Variants in DLGAP1 observed in about 807,000 individuals in gnomAD.
The protein encoded by DLGAP1 is disks large-associated protein 1.
Under a neutral mutation model 90.8 loss-of-function variants are expected in DLGAP1, and 11 were observed. That is an observed-to-expected ratio of 0.12 (90% CI 0.08 to 0.20). The LOEUF (loss-of-function observed/expected upper bound fraction) is 0.20, where lower values mean the gene tolerates loss of function less well. Among genes scored for constraint, DLGAP1 ranks in the 10% least tolerant of loss-of-function variants. DLGAP1 has a pLI of 1.00. For missense variants in DLGAP1, 1,050 were observed against 1,333.8 expected, an observed-to-expected ratio of 0.79 and a Z score of 3.31; for synonymous variants, 558 against 540.7, an observed-to-expected ratio of 1.03 and a Z score of -0.44.
At chr18:3,747,864 C>T (rs192485076) in intron 5 of DLGAP1, among the ~76,000 whole-genome samples, 158 of 152,300 alleles carry the variant, frequency 1.0e-3, no homozygotes, top group African/African-American at 3.5e-3. Context: ...ATCTTGCCCA[C>T]TTATAGAACA....
intron 1 of DLGAP1, among the ~76,000 whole-genome samples, chr18:4,299,845 C>A (rs1218952078): frequency 6.6e-6 from 1 of 152,088 alleles, no homozygotes; most frequent in African/African-American, 2.4e-5. Flanking sequence ...ATGTTTTTAA[C>A]TATTTATCAC....
chr18:4,360,702 G>A (rs1197231857), intron 1 of DLGAP1, among the ~76,000 whole-genome samples: 1 of 152,184 alleles, frequency 6.6e-6, no homozygotes, highest in Non-Finnish European at 1.5e-5. Context: ...GTTTAGGCCA[G>A]GTGCAGTGGC....
intron 1 of DLGAP1, among the ~76,000 whole-genome samples, chr18:4,352,399 T>C (rs1474786874): frequency 6.6e-6 from 1 of 152,134 alleles, no homozygotes; most frequent in African/African-American, 2.4e-5. Flanking sequence ...GTAAGGCAAC[T>C]CTCTGCCTTC....
intron 3 of DLGAP1, among the ~76,000 whole-genome samples, chr18:3,916,689 A>T (rs2072151883): frequency 6.6e-6 from 1 of 152,154 alleles, no homozygotes; most frequent in African/African-American, 2.4e-5. Flanking sequence ...CACCAATGAG[A>T]CACAGACCTC....
chr18:4,231,989 G>GTT (rs1409088177), intron 1 of DLGAP1, among the ~76,000 whole-genome samples: 1 of 152,094 alleles, frequency 6.6e-6, no homozygotes, highest in African/African-American at 2.4e-5. Context: ...TAGTTGTTCA[G>GTT]TTCATGTAGA....
chr18:3,739,588 G>T (rs2062812683), intron 6 of DLGAP1, among the ~76,000 whole-genome samples: 1 of 135,410 alleles, frequency 7.4e-6, no homozygotes, highest in Non-Finnish European at 1.5e-5. Context: ...AGATCACATG[G>T]ACACAGGAAG....
intron 1 of DLGAP1, among the ~76,000 whole-genome samples, chr18:4,411,557 CA>C (rs2082777733): frequency 6.6e-6 from 1 of 152,120 alleles, no homozygotes; most frequent in East Asian, 1.9e-4. Context: ...AAATCACCCC[CA>C]AAACTTTGTC....
intron 7 of DLGAP1, among the ~76,000 whole-genome samples, chr18:3,641,411 C>CCTGTAAT (rs61262791): frequency 0.038 from 5,823 of 151,494 alleles, 265 homozygotes; most frequent in East Asian, 0.19. Context: ...GTGGCGGGCA[C>CCTGTAAT]CTGTAATCCC....
chr18:3,656,017 T>C (rs1019561942), intron 7 of DLGAP1: 11 of 1,449,116 alleles, frequency 7.6e-6, no homozygotes, highest in Middle Eastern at 1.8e-4. Flanking sequence ...AGAAGCTTTT[T>C]AGCTACAAGC....
At chr18:3,616,174 G>A (rs1358318573) in intron 7 of DLGAP1, among the ~76,000 whole-genome samples, 5 of 152,132 alleles carry the variant, frequency 3.3e-5, no homozygotes, top group Admixed American at 6.6e-5. Context: ...ACCAGCCCTC[G>A]GGAGACTGCA....
chr18:4,246,847 T>TAC (rs1245210235), intron 1 of DLGAP1, among the ~76,000 whole-genome samples: 2 of 146,722 alleles, frequency 1.4e-5, no homozygotes, highest in African/African-American at 4.9e-5. Flanking sequence ...TAGCTCATTT[T>TAC]ACCTTTATTT....
At position 4,405,472 on chromosome 18, in the gene DLGAP1, T is replaced by G. The variant is rs6506201; in HGVS notation, c.-267+49534A>C. ...AACTCCAGCACAGTGTCAGGAATTATTCAAAGAACAACACAATGAGCATTT... is the reference window on the plus strand; with the variant it reads ...AACTCCAGCACAGTGTCAGGAATTAGTCAAAGAACAACACAATGAGCATTT... On this transcript the variant is annotated intron_variant, in intron 1 of 12. Coordinates refer to ENST00000315677, the MANE Select transcript of DLGAP1 (RefSeq NM_004746.4). 2.8e-3 allele frequency among the ~76,000 whole-genome samples: 428 copies of G among 152,114 alleles called. 1 individual carries two copies. Among genetic ancestry groups the G allele is most frequent in the African/African-American group, 9.5e-3 (396 of 41,524 alleles).
Position 3,872,308 on chromosome 18 carries a change from A to T in DLGAP1, c.957+6804T>A, listed in dbSNP as rs140489989. 3.4e-3 allele frequency among the ~76,000 whole-genome samples: 514 copies of T among 152,052 alleles called. 4 individuals are homozygous for T. Among genetic ancestry groups the T allele is most frequent in the African/African-American group, 0.012 (478 of 41,504 alleles). ...GTAAATGTTATGCCTTTCTTTACAC[A>T]ATATTTTCTCCTTTATCTCTGTGTA... On this transcript the variant is annotated intron_variant, in intron 4 of 12. Coordinates refer to ENST00000315677, the MANE Select transcript of DLGAP1 (RefSeq NM_004746.4).
chr18:3,589,406 C>T (rs2056103816), intron 7 of DLGAP1, among the ~76,000 whole-genome samples: 1 of 152,122 alleles, frequency 6.6e-6, no homozygotes, highest in African/African-American at 2.4e-5. Context: ...TTCATAAACC[C>T]TTACCAGCTA....
chr18:4,108,300 T>C (rs1460306150), intron 2 of DLGAP1, among the ~76,000 whole-genome samples: 1 of 152,188 alleles, frequency 6.6e-6, no homozygotes, highest in Non-Finnish European at 1.5e-5. Context: ...TTATCACCAT[T>C]AGATCACACC....
chr18:4,146,795 G>A (rs1163852770), intron 2 of DLGAP1, among the ~76,000 whole-genome samples: 2 of 151,894 alleles, frequency 1.3e-5, no homozygotes, highest in South Asian at 4.2e-4. Context: ...ATGATTACAG[G>A]CTTTTTCATG....
At position 3,775,365 on chromosome 18, in the gene DLGAP1, ACTTCC is replaced by A. The variant is rs2064891337; in HGVS notation, c.1173-32858_1173-32854del. 6.6e-6 allele frequency among the ~76,000 whole-genome samples: 1 copy of A among 152,128 alleles called. No individual in the cohort carries two copies. The highest frequency in any genetic ancestry group is 6.5e-5 in the Admixed American group (1 of 15,276). The stretch of plus-strand genomic sequence containing the variant: ...GGAGGTGACTGAATCATGGGGGCAG[ACTTCC>A]CTCTTGCTGTTCTCTTGATAGAGTT... On this transcript the variant is annotated intron_variant, in intron 5 of 12. Coordinates refer to ENST00000315677, the MANE Select transcript of DLGAP1 (RefSeq NM_004746.4). The surrounding 1 kb of genome is among the most constrained non-coding windows in gnomAD (Gnocchi z 4.9).
chr18:3,724,229 G>A (rs1025151919), intron 7 of DLGAP1, among the ~76,000 whole-genome samples: 3 of 152,138 alleles, frequency 2.0e-5, no homozygotes, highest in African/African-American at 7.2e-5. Context: ...AGCTACTCTA[G>A]AGGTTGAGGT....
Position 3,669,765 on chromosome 18 carries a change from C to T in DLGAP1, c.1591+59370G>A, listed in dbSNP as rs542994482. On this transcript the variant is annotated intron_variant, in intron 7 of 12. Coordinates refer to ENST00000315677, the MANE Select transcript of DLGAP1 (RefSeq NM_004746.4). ...TCATTATCCAAGCCCCCATGTGATC[C>T]AGTTCTTCCGGTGCACCAAGGCAAG... 8.5e-5 allele frequency among the ~76,000 whole-genome samples: 13 copies of T among 152,308 alleles called. No individual in the cohort carries two copies. The South Asian group carries it at 2.7e-3, about 32-fold the overall frequency.
Sources: allele counts gnomAD v4.1 joint callset (sites outside exome capture counted in the v4.1 genomes callset), GRCh38; gene constraint gnomAD v4.1.1; non-coding constraint Gnocchi (gnomAD v3.1); transcripts MANE v1.5; gene names NCBI Gene and HGNC (gene_info 2026-07-23, HGNC 2026-07-21).